SLC2A13: variants seen among roughly 807,000 people sequenced by gnomAD.
The protein encoded by SLC2A13 is solute carrier family 2 member 13, also known as proton myo-inositol cotransporter.
Under a neutral mutation model 64.4 loss-of-function variants are expected in SLC2A13, and 32 were observed. That is an observed-to-expected ratio of 0.50 (90% CI 0.37 to 0.67). SLC2A13 has a LOEUF of 0.67. Among genes scored for constraint, SLC2A13 ranks in the 30% least tolerant of loss-of-function variants. SLC2A13 has a pLI of 0.00. For missense variants in SLC2A13, 743 were observed against 829.2 expected (o/e 0.90, Z 1.28); for synonymous variants, 338 against 327.1 (o/e 1.03, Z -0.36).
chr12:39,787,591 C>T (rs189657486), intron 7 of SLC2A13, among the ~76,000 whole-genome samples: 1 of 151,788 alleles, frequency 6.6e-6, no homozygotes, highest in Non-Finnish European at 1.5e-5. Context: ...CTCTTCAGTC[C>T]CTATTGAAAC....
rs546251913 is a variant in SLC2A13 at position 39,871,240 on chromosome 12, G to A, written c.1198+558C>T. On this transcript the variant is annotated intron_variant, in intron 5 of 9. Coordinates refer to ENST00000280871, the MANE Select transcript of SLC2A13 (RefSeq NM_052885.4). The stretch of plus-strand genomic sequence containing the variant: ...ACTTGGGAATTAAAAAAAAGGTTTT[G>A]CTTTATTTTGCTATCATAGAAAATA... Among the ~76,000 whole-genome samples, 11 of 152,146 alleles carry A rather than the reference G, an allele frequency of 7.2e-5. No individual in the cohort carries two copies. The South Asian group carries it at 1.9e-3, about 26-fold the overall frequency.
chr12:39,842,847 T>G (rs1943211956), intron 6 of SLC2A13, among the ~76,000 whole-genome samples: 1 of 152,032 alleles, frequency 6.6e-6, no homozygotes, highest in Non-Finnish European at 1.5e-5. Flanking sequence ...CTGGACATTT[T>G]ATATCAATGT....
chr12:40,019,364 T>C (rs35293546), intron 3 of SLC2A13, among the ~76,000 whole-genome samples: 92,693 of 151,854 alleles, frequency 0.61, 28,477 homozygotes, highest in Middle Eastern at 0.72. Flanking sequence ...GCCTAATTTT[T>C]TTTTTTTTCC....
Position 40,101,261 on chromosome 12 carries a change from A to G in SLC2A13, c.556+3992T>C, listed in dbSNP as rs145107138. ...AGTATTTTTTTTACAACCAGTCAAGAAAACAGAACCCTTAAATCAAAACAA... is the reference window on the plus strand; with the variant it reads ...AGTATTTTTTTTACAACCAGTCAAGGAAACAGAACCCTTAAATCAAAACAA... On this transcript the variant is annotated intron_variant, in intron 1 of 9. Transcript: ENST00000280871. Among the ~76,000 whole-genome samples the G allele has an allele frequency of 1.1e-4, 16 of 152,302 alleles. No individual in the cohort carries two copies. The East Asian group carries it at 3.1e-3, about 29-fold the overall frequency.
chr12:40,086,746 G>C (rs1201648823), intron 1 of SLC2A13, among the ~76,000 whole-genome samples: 1 of 152,232 alleles, frequency 6.6e-6, no homozygotes, highest in African/African-American at 2.4e-5. Context: ...GGACTAAACT[G>C]ATAGGTAGTG....
Position 39,888,790 on chromosome 12 carries a change from T to G in SLC2A13, c.1035-16829A>C, listed in dbSNP as rs1343125652. Among the ~76,000 whole-genome samples, 4 of 152,134 alleles carry G rather than the reference T, an allele frequency of 2.6e-5. No homozygotes were observed. In the East Asian group the frequency reaches 7.7e-4, roughly 29 times the overall value. On this transcript the variant is annotated intron_variant, in intron 4 of 9. Transcript: ENST00000280871. ...CTGAAATTCTCACAAGTAACCAAAA[T>G]TTTATAATATTATATTAATAACTGA...
chr12:40,000,834 T>C (rs1947311163), intron 3 of SLC2A13, among the ~76,000 whole-genome samples: 1 of 152,186 alleles, frequency 6.6e-6, no homozygotes, highest in East Asian at 1.9e-4. Flanking sequence ...AACTGGGGGT[T>C]AGGACTTCAA....
intron 3 of SLC2A13, among the ~76,000 whole-genome samples, chr12:39,955,316 A>G (rs1183464232): frequency 6.6e-6 from 1 of 152,182 alleles, no homozygotes; most frequent in Non-Finnish European, 1.5e-5. Context: ...AGCCTATAAA[A>G]ATTTGTGGAA....
chr12:39,894,748 G>A (rs1325235237), intron 4 of SLC2A13, among the ~76,000 whole-genome samples: 10 of 152,148 alleles, frequency 6.6e-5, no homozygotes, highest in East Asian at 1.9e-4. Flanking sequence ...GGTAAATACC[G>A]GCTTTGGCTG....
At position 40,105,588 on chromosome 12, in the gene SLC2A13, T is replaced by G. The variant is rs1939283783; in HGVS notation, c.221A>C (p.Gln74Pro). ...GTACACGAAGGCGGGGGTCTCGTCC[T>G]GCTGGAACTGCCGCCGCGCCGCGCG... ...LERAARRQFQ[Q>P]DETPAFVYVV... Residue 74 changes from glutamine to proline, a missense_variant, in exon 1 of 10, where the codon CAG becomes CCG. Around this residue, in one of 2 missense-constraint regions of SLC2A13, gnomAD observed 448 missense variants for 447.4 expected, o/e 1.00. Coordinates refer to ENST00000280871, the MANE Select transcript of SLC2A13 (RefSeq NM_052885.4). This position sits in a 1 kb window ranked among gnomAD's most constrained non-coding sequence, Gnocchi z 4.2. The G allele has an allele frequency of 3.9e-6, 6 of 1,541,480 alleles. No individual in the cohort carries two copies. Among genetic ancestry groups the G allele is most frequent in the Non-Finnish European group, 5.2e-6 (6 of 1,147,316 alleles).
At chr12:39,891,575 G>T (rs77721869) in intron 4 of SLC2A13, among the ~76,000 whole-genome samples, 121 of 152,150 alleles carry the variant, frequency 8.0e-4, no homozygotes, top group Middle Eastern at 3.4e-3. Flanking sequence ...TCCTGAGTTC[G>T]ACAGTGAAGA....
intron 2 of SLC2A13, among the ~76,000 whole-genome samples, chr12:40,038,938 A>C (rs1948036107): frequency 6.6e-6 from 1 of 150,690 alleles, no homozygotes; most frequent in Non-Finnish European, 1.5e-5. Context: ...GTTAAAAAAA[A>C]GAGTTAAAAA....
chr12:39,795,321 C>T (rs1941539901), intron 7 of SLC2A13, among the ~76,000 whole-genome samples: 1 of 152,216 alleles, frequency 6.6e-6, no homozygotes, highest in South Asian at 2.1e-4. Context: ...TAAATCTACA[C>T]AGTTTTAAAC....
chr12:40,062,442 T>G (rs570881660), intron 1 of SLC2A13, among the ~76,000 whole-genome samples: 7 of 151,792 alleles, frequency 4.6e-5, no homozygotes, highest in Non-Finnish European at 8.8e-5. Context: ...GATACTGATG[T>G]AAAGAAGTAC....
At chr12:40,021,348 G>A (rs1007074863) in intron 3 of SLC2A13, among the ~76,000 whole-genome samples, 5 of 152,096 alleles carry the variant, frequency 3.3e-5, no homozygotes, top group South Asian at 2.1e-4. Context: ...TTAGAAAATC[G>A]ACGACAACCT....
intron 4 of SLC2A13, among the ~76,000 whole-genome samples, chr12:39,922,961 G>T (rs527765858): frequency 6.6e-6 from 1 of 152,086 alleles, no homozygotes; most frequent in East Asian, 1.9e-4. Context: ...AAAATTGAAA[G>T]AAAAAATGAA....
chr12:39,777,091 G>A (rs903627622), intron 7 of SLC2A13, among the ~76,000 whole-genome samples: 1 of 152,048 alleles, frequency 6.6e-6, no homozygotes, highest in Admixed American at 6.6e-5. Flanking sequence ...AATCATATTC[G>A]GAATCTGCGT....
intron 4 of SLC2A13, among the ~76,000 whole-genome samples, chr12:39,886,255 T>A (rs1286816645): frequency 6.6e-6 from 1 of 152,116 alleles, no homozygotes; most frequent in Non-Finnish European, 1.5e-5. Flanking sequence ...AATAGTAAAT[T>A]AGGCTGCTGG....
At chr12:40,040,733 A>T (rs1437001491) in intron 2 of SLC2A13, among the ~76,000 whole-genome samples, 3 of 152,292 alleles carry the variant, frequency 2.0e-5, no homozygotes, top group African/African-American at 7.2e-5. Flanking sequence ...CAATTAATAC[A>T]TGTGTTATCT....
Sources: gnomAD v4.1 joint callset for allele counts (sites outside exome capture counted in the v4.1 genomes callset) on GRCh38, gnomAD v4.1.1 for gene constraint, gnomAD v4.1.1 regional missense constraint, Gnocchi (gnomAD v3.1) non-coding constraint, MANE v1.5 for transcripts, NCBI Gene and HGNC (gene_info 2026-07-23, HGNC 2026-07-21) for gene names.